Variants in RAVER2 observed in about 807,000 individuals in gnomAD.
RAVER2 encodes the protein ribonucleoprotein, PTB binding 2.
A neutral mutation model predicts 78.1 loss-of-function variants in RAVER2; 46 were observed. The ratio of observed to expected loss-of-function variants is 0.59; its 90% CI spans 0.46 to 0.75. The LOEUF (loss-of-function observed/expected upper bound fraction) is 0.75, where lower values mean the gene tolerates loss of function less well. Among genes scored for constraint, RAVER2 ranks in the 30% least tolerant of loss-of-function variants. The pLI is 0.00. For missense variants in RAVER2, 793 were observed against 837.5 expected (o/e 0.95, Z 0.66); for synonymous variants, 311 against 313.3 (o/e 0.99, Z 0.08).
chr1:64,772,635 G>T lies in RAVER2; in HGVS notation c.316+3913G>T, dbSNP rs72675419. On this transcript the variant is annotated intron_variant, in intron 2 of 11. Transcript: ENST00000294428. ...GGGAAGCTTCCTGGAGATCATGATG[G>T]AGTAATGCATGGACGAATTTGAAAA... is the stretch of plus-strand genomic sequence containing the variant. Among the ~76,000 whole-genome samples the T allele has an allele frequency of 8.0e-3, 1,221 of 152,286 alleles. 10 individuals carry two copies. The highest frequency in any genetic ancestry group is 0.014 in the Non-Finnish European group (949 of 68,014).
chr1:64,764,618 C>G (rs1253017529), intron 1 of RAVER2, among the ~76,000 whole-genome samples: 2 of 152,196 alleles, frequency 1.3e-5, no homozygotes, highest in Non-Finnish European at 2.9e-5. Context: ...TGACTCATCA[C>G]ACTGTAGGAG....
rs766224149 is a variant in RAVER2, at chr1:64,807,473, G to A, written c.1679G>A (p.Gly560Glu). ...CCAAAAGGCACAGAGATAAGTTCAG[G>A]GGTAAGAAAACTGTGGGTGCACACA... The change falls in exon 9 of 12, where the codon GGG (glycine) becomes GAG (glutamate). Residue 560 changes from glycine to glutamate, a missense_variant and splice_region_variant. Gly to Glu is a moderately conservative substitution (Grantham distance 98). Transcript: ENST00000294428. The A allele has an allele frequency of 2.5e-6, 4 of 1,612,306 alleles. No homozygotes were observed. Among genetic ancestry groups the A allele is most frequent in the African/African-American group, 1.3e-5 (1 of 74,852 alleles).
chr1:64,798,431 A>G (rs1442883665), intron 5 of RAVER2, among the ~76,000 whole-genome samples: 1 of 148,998 alleles, frequency 6.7e-6, no homozygotes, highest in Non-Finnish European at 1.5e-5. Context: ...TCCTTTGGGT[A>G]TATACCCAGT....
At chr1:64,748,740 T>C (rs1229756081) in intron 1 of RAVER2, among the ~76,000 whole-genome samples, 4 of 152,342 alleles carry the variant, frequency 2.6e-5, no homozygotes, top group South Asian at 2.1e-4. Flanking sequence ...TACACAGATA[T>C]GAGTTTGAAA....
At chr1:64,826,281 G>A (rs1046461387) in intron 11 of RAVER2, among the ~76,000 whole-genome samples, 13 of 152,162 alleles carry the variant, frequency 8.5e-5, no homozygotes, top group Non-Finnish European at 1.6e-4. Flanking sequence ...AATAGTGATC[G>A]CTGCAGAGAA....
chr1:64,784,399 A>G (rs1486921706), intron 4 of RAVER2, among the ~76,000 whole-genome samples: 2 of 152,042 alleles, frequency 1.3e-5, no homozygotes, highest in Non-Finnish European at 2.9e-5. Flanking sequence ...AAACAAAACA[A>G]AACAAAGCTC....
intron 3 of RAVER2, among the ~76,000 whole-genome samples, chr1:64,779,018 C>G (rs556861252): frequency 6.7e-6 from 1 of 148,766 alleles, no homozygotes; most frequent in Non-Finnish European, 1.5e-5. Flanking sequence ...TTTAAGTTGA[C>G]AGTTAAAATT....
chr1:64,781,343 G>A, intron 3 of RAVER2, 37 bp from the exon 4 acceptor site: 1 of 1,465,244 alleles, frequency 6.8e-7, no homozygotes, highest in Non-Finnish European at 9.1e-7. Flanking sequence ...TCTAAGTAAA[G>A]ATCGGAATTA....
chr1:64,759,951 T>C (rs1241219898), intron 1 of RAVER2, among the ~76,000 whole-genome samples: 1 of 152,206 alleles, frequency 6.6e-6, no homozygotes, highest in Non-Finnish European at 1.5e-5. Flanking sequence ...TTAACAAATA[T>C]CAAAGGTCTA....
At chr1:64,816,091 A>C (rs1653749860) in intron 11 of RAVER2, 1 of 152,196 alleles carries the variant, frequency 6.6e-6, no homozygotes, top group Non-Finnish European at 1.5e-5. Flanking sequence ...AAGCACAATA[A>C]ATTTTTTAAA....
chr1:64,796,450 T>C (rs1206864217), intron 5 of RAVER2, among the ~76,000 whole-genome samples: 3 of 152,136 alleles, frequency 2.0e-5, no homozygotes, highest in Non-Finnish European at 4.4e-5. Context: ...TTCTTTAATA[T>C]GTAAGAGCTA....
chr1:64,762,694 C>A (rs961639779), intron 1 of RAVER2, among the ~76,000 whole-genome samples: 1 of 152,120 alleles, frequency 6.6e-6, no homozygotes, highest in African/African-American at 2.4e-5. Context: ...AAAAATTGAA[C>A]CTTGACCCCT....
At chr1:64,751,576 G>C (rs1651699531) in intron 1 of RAVER2, among the ~76,000 whole-genome samples, 1 of 152,002 alleles carries the variant, frequency 6.6e-6, no homozygotes, top group Non-Finnish European at 1.5e-5. Flanking sequence ...TGGACAAAAA[G>C]TTTTTGTTTT....
rs530811596 is a variant in RAVER2 at position 64,805,529 on chromosome 1, A to G, written c.1411+424A>G. Among the ~76,000 whole-genome samples the G allele has an allele frequency of 9.2e-5, 14 of 152,330 alleles. No homozygotes were observed. The South Asian group carries it at 2.9e-3, about 32-fold the overall frequency. On this transcript the variant is annotated intron_variant, in intron 8 of 11. Coordinates refer to ENST00000294428, the Ensembl canonical transcript of RAVER2. ...TATTTGTATTATTTAAAAAAATTTA[A>G]CCTCTAAATCAGTAGTCAAAACTAA... is the stretch of plus-strand genomic sequence containing the variant.
chr1:64,767,128 T>C (rs1652195089), intron 1 of RAVER2, among the ~76,000 whole-genome samples: 1 of 152,132 alleles, frequency 6.6e-6, no homozygotes, highest in Non-Finnish European at 1.5e-5. Context: ...TTCACTCAGC[T>C]TTGTTTTCAT....
intron 11 of RAVER2, among the ~76,000 whole-genome samples, chr1:64,825,102 G>A (rs942559720): frequency 1.1e-4 from 17 of 151,962 alleles, no homozygotes; most frequent in Admixed American, 5.2e-4. Context: ...ATATATATCA[G>A]ACAGAGACAT....
rs755157218 is a variant in RAVER2, at chr1:64,778,088, G to T, written c.782G>T (p.Cys261Phe). ...TCCAGTGTCCATAAACCTGTGTTTT[G>T]CCAGGTATGTATTTTTAAGAGATTA... Residue 261 changes from cysteine to phenylalanine, a missense_variant, in exon 3 of 12, where the codon TGC becomes TTC. Cys to Phe is a radical substitution (Grantham distance 205). Transcript: ENST00000294428. 28 of 1,592,808 alleles carry T rather than the reference G, an allele frequency of 1.8e-5. No individual in the cohort carries two copies. The East Asian group carries it at 5.6e-4, about 32-fold the overall frequency.
chr1:64,820,023 G>A (rs1391805700), intron 11 of RAVER2, among the ~76,000 whole-genome samples: 2 of 152,068 alleles, frequency 1.3e-5, no homozygotes, highest in Non-Finnish European at 2.9e-5. Flanking sequence ...GGTTTATAAT[G>A]TATATAGATA....
At chr1:64,798,626 T>G (rs1414841721) in intron 5 of RAVER2, among the ~76,000 whole-genome samples, 2 of 152,184 alleles carry the variant, frequency 1.3e-5, no homozygotes, top group African/African-American at 4.8e-5. Context: ...AGACTTCTAT[T>G]AATCTTTCAT....
Sources: gnomAD v4.1 joint callset for allele counts (sites outside exome capture counted in the v4.1 genomes callset) on GRCh38, gnomAD v4.1.1 for gene constraint, MANE v1.5 for transcripts, NCBI Gene and HGNC (gene_info 2026-07-23, HGNC 2026-07-21) for gene names.